Variants in CAMTA1 observed in about 807,000 individuals in gnomAD.
CAMTA1 encodes calmodulin-binding transcription activator 1.
Under a neutral mutation model 170.9 loss-of-function variants are expected in CAMTA1, and 27 were observed. The ratio of observed to expected loss-of-function variants is 0.16; its 90% CI spans 0.12 to 0.22. The LOEUF (loss-of-function observed/expected upper bound fraction) is 0.22, where lower values mean the gene tolerates loss of function less well. CAMTA1 is among the 10% of genes least tolerant of loss of function. The pLI, the probability that CAMTA1 is intolerant of heterozygous loss-of-function variation, is 1.00. For synonymous variants in CAMTA1, 833 were observed against 891.5 expected (o/e 0.93, Z 1.17); for missense variants, 1,619 against 2,217.2 (o/e 0.73, Z 5.42).
At chr1:6,952,779 AGCCGAGATAAC>A (rs1210134411) in intron 3 of CAMTA1, among the ~76,000 whole-genome samples, 1 of 152,222 alleles carries the variant, frequency 6.6e-6, no homozygotes, top group African/African-American at 2.4e-5. Flanking sequence ...GGTAGCAGTG[AGCCGAGATAAC>A]GCCACTGTAC....
chr1:7,423,210 C>T (rs976348438), intron 5 of CAMTA1, among the ~76,000 whole-genome samples: 3 of 152,186 alleles, frequency 2.0e-5, no homozygotes, highest in African/African-American at 4.8e-5. Context: ...GTGGCTCAGG[C>T]CTGTAAGCCC....
intron 6 of CAMTA1, among the ~76,000 whole-genome samples, chr1:7,499,301 T>C (rs2093921155): frequency 3.2e-5 from 3 of 93,894 alleles, no homozygotes; most frequent in South Asian, 3.2e-4. Context: ...TGCGTGTGTA[T>C]GTATATGAGT....
At chr1:6,924,230 T>C (rs763393235) in intron 3 of CAMTA1, among the ~76,000 whole-genome samples, 25 of 152,184 alleles carry the variant, frequency 1.6e-4, no homozygotes, top group Non-Finnish European at 2.6e-4. Context: ...GCTTACCTTC[T>C]AGCTGGGGAG....
intron 3 of CAMTA1, among the ~76,000 whole-genome samples, chr1:6,827,924 A>G (rs143777578): frequency 6.6e-6 from 1 of 152,240 alleles, no homozygotes; most frequent in Non-Finnish European, 1.5e-5. Flanking sequence ...CAAAAACTCT[A>G]TTTCTTAGAT....
chr1:7,708,840 C>T (rs764364387), intron 11 of CAMTA1, among the ~76,000 whole-genome samples: 4 of 152,150 alleles, frequency 2.6e-5, no homozygotes, highest in African/African-American at 9.7e-5. Context: ...CATAAAGCTA[C>T]ATAATGTTTT....
At chr1:7,381,578 A>G (rs2087330886) in intron 5 of CAMTA1, among the ~76,000 whole-genome samples, 2 of 151,312 alleles carry the variant, frequency 1.3e-5, no homozygotes, top group Non-Finnish European at 2.9e-5. Flanking sequence ...GGTTGGTTCC[A>G]AGTCTTTGCT....
intron 5 of CAMTA1, among the ~76,000 whole-genome samples, chr1:7,350,574 C>G (rs780108439): frequency 6.6e-6 from 1 of 152,212 alleles, no homozygotes; most frequent in Non-Finnish European, 1.5e-5. Flanking sequence ...CTTGTTTAGC[C>G]TGTTCCTTTA....
intron 11 of CAMTA1, chr1:7,694,896 G>A (rs2096358440): frequency 6.6e-6 from 1 of 152,194 alleles, no homozygotes; most frequent in Non-Finnish European, 1.5e-5. Context: ...CGGGGACCTG[G>A]GGAGAGAGCA....
At chr1:6,979,095 G>A (rs1019810006) in intron 3 of CAMTA1, among the ~76,000 whole-genome samples, 6 of 152,198 alleles carry the variant, frequency 3.9e-5, no homozygotes, top group Non-Finnish European at 8.8e-5. Flanking sequence ...TGTGGCTGGA[G>A]GAGGGAGTGC....
chr1:7,161,416 G>A (rs971682289), intron 4 of CAMTA1, among the ~76,000 whole-genome samples: 1 of 152,190 alleles, frequency 6.6e-6, no homozygotes, highest in Non-Finnish European at 1.5e-5. Context: ...GATATGGTTT[G>A]GCTGTGTCCC....
At chr1:6,926,052 G>C (rs972064260) in intron 3 of CAMTA1, among the ~76,000 whole-genome samples, 2 of 152,232 alleles carry the variant, frequency 1.3e-5, no homozygotes, top group African/African-American at 4.8e-5. Flanking sequence ...CCCAGGCGCT[G>C]TTCCTCCCTG....
At chr1:7,295,666 T>C (rs755473301) in intron 5 of CAMTA1, among the ~76,000 whole-genome samples, 40 of 152,186 alleles carry the variant, frequency 2.6e-4, no homozygotes, top group Non-Finnish European at 4.9e-4. Context: ...TCGAGTACTT[T>C]CCATGGCATG....
At chr1:7,174,853 C>A (rs1385707712) in intron 4 of CAMTA1, among the ~76,000 whole-genome samples, 1 of 152,156 alleles carries the variant, frequency 6.6e-6, no homozygotes, top group Non-Finnish European at 1.5e-5. Context: ...GTCAGGCAGG[C>A]AGCTTGTGGG....
At chr1:7,069,476 G>A (rs1285339400) in intron 3 of CAMTA1, among the ~76,000 whole-genome samples, 1 of 152,190 alleles carries the variant, frequency 6.6e-6, no homozygotes. Context: ...GGGCAACGGG[G>A]CAATCAGTAG....
At chr1:7,135,420 A>G (rs1299376652) in intron 4 of CAMTA1, among the ~76,000 whole-genome samples, 3 of 152,106 alleles carry the variant, frequency 2.0e-5, no homozygotes, top group Non-Finnish European at 4.4e-5. Context: ...AAGTAAAATA[A>G]TAACAGATGC....
chr1:7,281,708 C>T (rs993140195), intron 5 of CAMTA1, among the ~76,000 whole-genome samples: 16 of 151,844 alleles, frequency 1.1e-4, no homozygotes, highest in African/African-American at 2.4e-4. Context: ...TTGAATTTCA[C>T]GGGGTATTAA....
intron 4 of CAMTA1, among the ~76,000 whole-genome samples, chr1:7,152,014 T>C (rs1446793368): frequency 5.3e-5 from 8 of 152,212 alleles, no homozygotes; most frequent in Non-Finnish European, 1.2e-4. Flanking sequence ...GGTGACTGTT[T>C]GGTAATTTGC....
intron 4 of CAMTA1, among the ~76,000 whole-genome samples, chr1:7,111,911 A>G: frequency 6.7e-6 from 1 of 149,640 alleles, no homozygotes; most frequent in South Asian, 2.1e-4. Context: ...AAAAAAAAAA[A>G]ACCGAAGACT....
intron 4 of CAMTA1, among the ~76,000 whole-genome samples, chr1:7,110,877 C>T (rs1023985442): frequency 6.6e-6 from 1 of 152,236 alleles, no homozygotes; most frequent in Non-Finnish European, 1.5e-5. Context: ...ATGTAACAAA[C>T]CACTGAGAAC....
Sources: allele counts gnomAD v4.1 joint callset (sites outside exome capture counted in the v4.1 genomes callset), GRCh38; gene constraint gnomAD v4.1.1; transcripts MANE v1.5; gene names NCBI Gene and HGNC (gene_info 2026-07-23, HGNC 2026-07-21).